RALGPS2: variants seen among roughly 807,000 people sequenced by gnomAD.
RALGPS2 encodes ras-specific guanine nucleotide-releasing factor RalGPS2.
RALGPS2 carries 43 observed loss-of-function variants against 86.8 expected under a neutral mutation model. That is an observed-to-expected ratio of 0.50 (90% CI 0.39 to 0.64). RALGPS2 has a LOEUF of 0.64. Ranked by LOEUF, RALGPS2 falls within the 30% of genes least tolerant of loss-of-function variation. The pLI is 0.00. For synonymous variants in RALGPS2, 243 were observed against 231.3 expected (o/e 1.05, Z -0.46); for missense variants, 536 against 694.6 (o/e 0.77, Z 2.57).
At chr1:178,800,372 A>G (rs1446919683) in intron 4 of RALGPS2, among the ~76,000 whole-genome samples, 1 of 152,174 alleles carries the variant, frequency 6.6e-6, no homozygotes, top group Non-Finnish European at 1.5e-5. Context: ...GTAAAGTTAC[A>G]CCAAGTGTGC....
chr1:178,860,013 A>G (rs1351978847), intron 8 of RALGPS2, among the ~76,000 whole-genome samples: 1 of 151,844 alleles, frequency 6.6e-6, no homozygotes, highest in African/African-American at 2.4e-5. Flanking sequence ...TTTAATCATC[A>G]CAACAATTTA....
At chr1:178,760,944 G>T (rs1448716599) in intron 1 of RALGPS2, among the ~76,000 whole-genome samples, 1 of 149,202 alleles carries the variant, frequency 6.7e-6, no homozygotes, top group Non-Finnish European at 1.5e-5. Flanking sequence ...GATTCGGTCA[G>T]TTTACATAAT....
At chr1:178,874,006 A>G (rs989524256) in intron 8 of RALGPS2, among the ~76,000 whole-genome samples, 3 of 152,020 alleles carry the variant, frequency 2.0e-5, no homozygotes, top group African/African-American at 7.2e-5. Flanking sequence ...TCAGCCTCCC[A>G]TACTAGACAC....
intron 4 of RALGPS2, 62 bp from the exon 5 acceptor site, chr1:178,807,983 C>CTA: frequency 1.9e-6 from 2 of 1,027,620 alleles, no homozygotes; most frequent in South Asian, 2.6e-5. Flanking sequence ...TTTTGAAAGC[C>CTA]TTAATCTGGC....
At chr1:178,790,202 T>C (rs747176433) in intron 4 of RALGPS2, among the ~76,000 whole-genome samples, 5 of 152,180 alleles carry the variant, frequency 3.3e-5, no homozygotes, top group Non-Finnish European at 7.3e-5. Context: ...TCCTTCTGCC[T>C]TGGCCTGCCA....
intron 17 of RALGPS2, among the ~76,000 whole-genome samples, chr1:178,899,498 T>G (rs1342927056): frequency 6.6e-6 from 1 of 151,846 alleles, no homozygotes; most frequent in African/African-American, 2.4e-5. Context: ...GAAAAAAATT[T>G]TAATCGTTTT....
At chr1:178,912,229 T>C (rs1660655138) in intron 19 of RALGPS2, among the ~76,000 whole-genome samples, 2 of 152,232 alleles carry the variant, frequency 1.3e-5, no homozygotes, top group Admixed American at 1.3e-4. Flanking sequence ...CCTGTCATCA[T>C]GTTGTTAGCT....
In RALGPS2 at chr1:178,795,078, G is replaced by A. The variant is rs1654124427; in HGVS notation, c.213+9471G>A. 3.3e-5 allele frequency among the ~76,000 whole-genome samples: 5 copies of A among 151,912 alleles called. No individual in the cohort carries two copies. The South Asian group carries it at 1.0e-3, about 32-fold the overall frequency. On this transcript the variant is annotated intron_variant, in intron 4 of 19. Transcript: ENST00000367635. ...GCCTGTAATTCCAGCTACTCGGGAG[G>A]CTGATACACAAGAATCGCTTGAACC...
intron 19 of RALGPS2, among the ~76,000 whole-genome samples, chr1:178,911,593 A>G (rs1660628418): frequency 6.6e-6 from 1 of 152,114 alleles, no homozygotes. Flanking sequence ...GTATGATTTC[A>G]ATTTTTTTGA....
intron 19 of RALGPS2, among the ~76,000 whole-genome samples, chr1:178,910,262 C>CTT (rs1660571568): frequency 6.6e-6 from 1 of 152,128 alleles, no homozygotes; most frequent in Non-Finnish European, 1.5e-5. Context: ...TTTCTCGTGT[C>CTT]TGATTGCTCT....
chr1:178,872,082 ACT>A (rs962456690), intron 8 of RALGPS2, among the ~76,000 whole-genome samples: 4 of 152,110 alleles, frequency 2.6e-5, no homozygotes, highest in African/African-American at 9.7e-5. Context: ...ATTATGCCAC[ACT>A]CTCTGTCATT....
chr1:178,846,229 A>G (rs1458999786), intron 8 of RALGPS2, among the ~76,000 whole-genome samples: 5 of 152,188 alleles, frequency 3.3e-5, no homozygotes, highest in Non-Finnish European at 7.4e-5. Flanking sequence ...AGGCTCTGAC[A>G]CTGATCTCAG....
intron 1 of RALGPS2, among the ~76,000 whole-genome samples, chr1:178,753,213 G>A (rs1651775076): frequency 6.6e-6 from 1 of 152,174 alleles, no homozygotes; most frequent in Admixed American, 6.5e-5. Context: ...AAAGCAGTGG[G>A]TTAGCAAATT....
intron 1 of RALGPS2, chr1:178,746,581 G>A (rs1256849437): frequency 2.9e-6 from 2 of 688,010 alleles, no homozygotes; most frequent in Admixed American, 4.1e-5. Context: ...AATCTAGAGG[G>A]TTAGCGAGCC....
At chr1:178,819,529 T>A (rs990131770) in intron 6 of RALGPS2, among the ~76,000 whole-genome samples, 6 of 152,180 alleles carry the variant, frequency 3.9e-5, no homozygotes, top group Non-Finnish European at 7.3e-5. Context: ...CCCTGGGCAA[T>A]GTGTCCCATG....
At chr1:178,795,488 C>G (rs148196709) in intron 4 of RALGPS2, among the ~76,000 whole-genome samples, 1 of 152,252 alleles carries the variant, frequency 6.6e-6, no homozygotes, top group African/African-American at 2.4e-5. Context: ...TCTTGTCTCA[C>G]TGCAACCTCT....
chr1:178,789,792 A>G (rs191432696), intron 4 of RALGPS2, among the ~76,000 whole-genome samples: 1 of 152,278 alleles, frequency 6.6e-6, no homozygotes, highest in Admixed American at 6.5e-5. Flanking sequence ...GAGACTGACA[A>G]TTTTTGCTTA....
intron 7 of RALGPS2, 81 bp from the exon 8 acceptor site, chr1:178,833,342 AG>A: frequency 7.9e-7 from 1 of 1,264,336 alleles, no homozygotes; most frequent in Non-Finnish European, 1.0e-6. Flanking sequence ...CCATATTCAC[AG>A]TAAATACAAC....
At chr1:178,793,248 T>A (rs532444743) in intron 4 of RALGPS2, among the ~76,000 whole-genome samples, 2 of 152,178 alleles carry the variant, frequency 1.3e-5, no homozygotes, top group East Asian at 1.9e-4. Context: ...AAATTTTTTT[T>A]AAATCTAAAT....
Sources: gnomAD v4.1 joint callset for allele counts (sites outside exome capture counted in the v4.1 genomes callset) on GRCh38, gnomAD v4.1.1 for gene constraint, MANE v1.5 for transcripts, NCBI Gene and HGNC (gene_info 2026-07-23, HGNC 2026-07-21) for gene names.